Variants in CEP120 observed in about 807,000 individuals in gnomAD.
CEP120 encodes centrosomal protein of 120 kDa.
In CEP120, 113 loss-of-function variants were observed where a neutral mutation model predicts 126.5. The ratio of observed to expected loss-of-function variants is 0.89; its 90% CI spans 0.77 to 1.04. CEP120 has a LOEUF of 1.04. CEP120 is among the 50% of genes least tolerant of loss of function. The pLI is 0.00. For synonymous variants in CEP120, 400 were observed against 394.3 expected (o/e 1.01, Z -0.17); for missense variants, 1,230 against 1,155.7 (o/e 1.06, Z -0.93).
intron 4 of CEP120, among the ~76,000 whole-genome samples, chr5:123,409,514 C>T (rs1773899159): frequency 6.6e-6 from 1 of 152,080 alleles, no homozygotes; most frequent in South Asian, 2.1e-4. Context: ...CTCACCACTC[C>T]TTTTCAACAT....
chr5:123,377,667 T>C, intron 15 of CEP120, 132 bp from the exon 16 acceptor site: 2 of 680,080 alleles, frequency 2.9e-6, no homozygotes, highest in South Asian at 2.5e-5. Flanking sequence ...TTTTTAGTTA[T>C]TAGAGAGTTA....
intron 9 of CEP120, 140 bp from the exon 10 acceptor site, chr5:123,386,807 G>A (rs1772060778): frequency 1.6e-6 from 1 of 606,504 alleles, no homozygotes. Flanking sequence ...GGTAGACATA[G>A]CAATCTGTCA....
chr5:123,399,681 C>G (rs545877270), intron 4 of CEP120, among the ~76,000 whole-genome samples: 1 of 152,030 alleles, frequency 6.6e-6, no homozygotes, highest in Non-Finnish European at 1.5e-5. Context: ...TACAAAAACA[C>G]AGAAGCAAGA....
chr5:123,382,770 C>G lies in CEP120; in HGVS notation c.1980G>C (p.Trp660Cys). 1 of 1,612,720 alleles carries G rather than the reference C, an allele frequency of 6.2e-7. No individual in the cohort carries two copies. Among genetic ancestry groups the G allele is most frequent in the Non-Finnish European group, 8.5e-7 (1 of 1,179,438 alleles). ...EYKAALELEM[W>C]KEMQEDIFEN... ...CAAATATATCTTCTTGCATCTCCTT[C>G]CACATTTCTAGCTCAAGTGCTGCTT... Residue 660 changes from tryptophan (W) to cysteine (C), a missense_variant, in exon 13 of 20, where the codon TGG becomes TGC. Trp to Cys is a radical substitution (Grantham distance 215). Coordinates refer to ENST00000306467, the MANE Select transcript of CEP120 (RefSeq NM_001375405.1).
At chr5:123,361,076 T>C (rs966261712) in intron 18 of CEP120, among the ~76,000 whole-genome samples, 7 of 151,710 alleles carry the variant, frequency 4.6e-5, no homozygotes, top group African/African-American at 7.3e-5. Context: ...CCCTAACCAA[T>C]AGCTAACACT....
chr5:123,401,468 A>T, intron 4 of CEP120: 1 of 1,280,900 alleles, frequency 7.8e-7, no homozygotes. Context: ...CTTCCCAGCC[A>T]GACTCTGCAG....
chr5:123,363,715 C>T (rs529663407), intron 18 of CEP120, among the ~76,000 whole-genome samples: 5 of 151,296 alleles, frequency 3.3e-5, no homozygotes, highest in South Asian at 4.2e-4. Context: ...AATACCATAA[C>T]GATGTTTAAT....
intron 18 of CEP120, among the ~76,000 whole-genome samples, chr5:123,357,331 T>C (rs1769712137): frequency 6.6e-6 from 1 of 152,144 alleles, no homozygotes. Context: ...TTTTTACTTT[T>C]GGAAAATTCT....
rs1255740136 is a variant in CEP120 at position 123,372,685 on chromosome 5, G to A, written c.2446C>T (p.Leu816=). Residue 816 remains leucine (L), a synonymous_variant, in exon 17 of 20, where the codon CTA becomes TTA. Transcript: ENST00000306467. ...GTGAGAAGATTTATTTCAGACTGTA[G>A]ACGGATTTCTGGTTTGTTGTTTTGC... ...DQQNNKPEIR[L]QSEINLLTLE... is the part of the protein sequence containing the mutation. The A allele has an allele frequency of 2.5e-6, 4 of 1,612,088 alleles. No individual in the cohort carries two copies. The highest frequency in any genetic ancestry group is 1.7e-5 in the Admixed American group (1 of 59,802).
intron 18 of CEP120, among the ~76,000 whole-genome samples, chr5:123,363,252 C>A (rs75945271): frequency 6.6e-6 from 1 of 151,602 alleles, no homozygotes; most frequent in Non-Finnish European, 1.5e-5. Context: ...TCTCCTATGA[C>A]ACCTTTCCAA....
Position 123,346,647 on chromosome 5 carries a change from A to G in CEP120, c.2833T>C (p.Leu945=). The G allele has an allele frequency of 1.2e-6, 2 of 1,613,990 alleles. No individual in the cohort carries two copies. The highest frequency in any genetic ancestry group is 1.7e-6 in the Non-Finnish European group (2 of 1,179,970). ...SVLEEGLDDY[L]TRLIEERDTL... ...TCCCTTTCTTCTATCAGGCGAGTCAAATAATCATCCAAACCTTCTTCCAAT... is the reference window on the plus strand; with the variant it reads ...TCCCTTTCTTCTATCAGGCGAGTCAGATAATCATCCAAACCTTCTTCCAAT... The change falls in exon 20 of 20, where the codon TTG becomes CTG. Residue 945 remains leucine (L), a synonymous_variant. Transcript: ENST00000306467.
chr5:123,385,362 C>T (rs544156526), intron 10 of CEP120, among the ~76,000 whole-genome samples: 4 of 152,078 alleles, frequency 2.6e-5, no homozygotes, highest in Non-Finnish European at 5.9e-5. Flanking sequence ...AAAATTATAT[C>T]ATATTTTTAC....
chr5:123,382,856 G>A lies in CEP120; in HGVS notation c.1894C>T (p.Leu632Phe), dbSNP rs1030364887. The change falls in exon 13 of 20, where the codon CTT becomes TTT. Residue 632 changes from leucine to phenylalanine, a missense_variant. Coordinates refer to ENST00000306467, the MANE Select transcript of CEP120 (RefSeq NM_001375405.1). ...VSAVQQKPSS[L>F]PPAPCPSEIQ... ...TCTGAAGGACAAGGTGCTGGAGGAA[G>A]AGAAGACGGCTTTTGCTGTACGGCA... 2 of 1,613,448 alleles carry A rather than the reference G, an allele frequency of 1.2e-6. No homozygotes were observed. Among genetic ancestry groups the A allele is most frequent in the Middle Eastern group, 1.7e-4 (1 of 6,052 alleles).
intron 14 of CEP120, among the ~76,000 whole-genome samples, chr5:123,381,068 CCTGTGTACTT>C (rs1327460992): frequency 1.3e-5 from 2 of 152,050 alleles, no homozygotes; most frequent in East Asian, 3.9e-4. Flanking sequence ...AAATCAAAGG[CCTGTGTACTT>C]CTGTTTCCAC....
At chr5:123,410,532 A>G (rs183123169) in intron 4 of CEP120, among the ~76,000 whole-genome samples, 5 of 152,374 alleles carry the variant, frequency 3.3e-5, no homozygotes, top group African/African-American at 9.6e-5. Flanking sequence ...ATAGACTCAC[A>G]TAAGTAAAGT....
chr5:123,392,791 T>C (rs1772494707), intron 6 of CEP120, among the ~76,000 whole-genome samples: 1 of 152,224 alleles, frequency 6.6e-6, no homozygotes, highest in Non-Finnish European at 1.5e-5. Flanking sequence ...ATTATAGGTG[T>C]GAGCTACCAT....
intron 18 of CEP120, among the ~76,000 whole-genome samples, chr5:123,363,207 G>GTATC (rs1415251953): frequency 6.6e-6 from 1 of 151,372 alleles, no homozygotes; most frequent in Non-Finnish European, 1.5e-5. Flanking sequence ...AAAATCTTAA[G>GTATC]TATCTATCTC....
At chr5:123,412,731 C>G (rs140865724) in intron 3 of CEP120, among the ~76,000 whole-genome samples, 191 bp from the exon 4 acceptor site, 17 of 152,196 alleles carry the variant, frequency 1.1e-4, no homozygotes, top group African/African-American at 4.1e-4. Flanking sequence ...TCTAGAAAAA[C>G]TACGTAGAAA....
chr5:123,418,922 G>A (rs1410644811), intron 1 of CEP120, among the ~76,000 whole-genome samples: 1 of 152,152 alleles, frequency 6.6e-6, no homozygotes, highest in Admixed American at 6.5e-5. Context: ...TGTTAAGTGT[G>A]GTTGACATGC....
Sources: allele counts gnomAD v4.1 joint callset (sites outside exome capture counted in the v4.1 genomes callset), GRCh38; gene constraint gnomAD v4.1.1; transcripts MANE v1.5; gene names NCBI Gene and HGNC (gene_info 2026-07-23, HGNC 2026-07-21).